Variants in PIEZO1 observed in about 807,000 individuals in gnomAD.
PIEZO1 encodes the protein piezo type mechanosensitive ion channel component 1 (Er blood group).
In PIEZO1, 296 loss-of-function variants were observed where a neutral mutation model predicts 297.2. The observed-to-expected ratio is 1.00, with a 90% CI of 0.91 to 1.10. The LOEUF is 1.10. Among genes scored for constraint, PIEZO1 ranks in the 50% least tolerant of loss-of-function variants. The pLI is 0.00. For missense variants in PIEZO1, 5,018 were observed against 3,455.5 expected, an observed-to-expected ratio of 1.45 and a Z score of -11.34; for synonymous variants, 2,427 against 1,507.5, an observed-to-expected ratio of 1.61 and a Z score of -14.13.
Position 88,723,279 on chromosome 16 carries a change from C to G in PIEZO1, c.4385G>C (p.Arg1462Pro), listed in dbSNP as rs188337046. ...CCTTGCCTGCTCCTGCTCCTGCTGC[C>G]GCCGCCTCAGCACCGCCTGGGCGTT... is the stretch of plus-strand genomic sequence containing the variant. ...VTNAQAVLRR[R>P]QQEQEQARQE... Residue 1462 changes from arginine to proline, a missense_variant, in exon 32 of 51, where the codon CGG (arginine) becomes CCG (proline). Transcript: ENST00000301015. The G allele has an allele frequency of 3.3e-6, 5 of 1,500,562 alleles. No homozygotes were observed. The Admixed American group carries it at 9.9e-5, about 30-fold the overall frequency. 93.0% of individuals were successfully genotyped at this position (1,500,562 alleles called of 1,614,324 possible).
chr16:88,784,285 G>A (rs1908071619), intron 1 of PIEZO1, among the ~76,000 whole-genome samples: 2 of 152,246 alleles, frequency 1.3e-5, no homozygotes, highest in South Asian at 4.1e-4. Flanking sequence ...GCCCAGTAGG[G>A]CAAGGGAGGA....
rs373349986 is a variant in PIEZO1, at chr16:88,716,010, G to A, written c.7239C>T (p.Thr2413=). ...WWVIELQECR[T]DCNLLPMVIF... The stretch of plus-strand genomic sequence containing the variant: ...TGACCATGGGCAGCAGGTTGCAGTC[G>A]GTCCGGCACTCCTGCAGCTCGATGA... Residue 2413 remains threonine (T), a synonymous_variant, in exon 50 of 51, where the codon ACC becomes ACT. Coordinates refer to ENST00000301015, the MANE Select transcript of PIEZO1 (RefSeq NM_001142864.4). 185 of 1,550,078 alleles carry A rather than the reference G, an allele frequency of 1.2e-4. No individual in the cohort carries two copies. Among genetic ancestry groups the A allele is most frequent in the South Asian group, 5.6e-4 (47 of 84,068 alleles).
At chr16:88,733,835 G>A in intron 17 of PIEZO1, 71 bp downstream of exon 17, 1 of 1,461,570 alleles carries the variant, frequency 6.8e-7, no homozygotes, top group Non-Finnish European at 9.1e-7. Flanking sequence ...AGGGGACTCT[G>A]CCAACGCCCC....
intron 1 of PIEZO1, among the ~76,000 whole-genome samples, chr16:88,780,154 A>C (rs1907863903): frequency 6.6e-6 from 1 of 152,116 alleles, no homozygotes; most frequent in African/African-American, 2.4e-5. Context: ...CCTGGACCCC[A>C]AGTCCCCTTC....
chr16:88,718,987 G>C (rs1912238682), intron 44 of PIEZO1: 1 of 155,952 alleles, frequency 6.4e-6, no homozygotes, highest in South Asian at 2.0e-4. Context: ...TGGGACCATA[G>C]GCATGAGCTG....
Position 88,721,622 on chromosome 16 carries a change from G to T in PIEZO1, c.5319C>A (p.Ile1773=). Residue 1773 remains isoleucine, a synonymous_variant, in exon 38 of 51, where the codon ATC becomes ATA. Coordinates refer to ENST00000301015, the MANE Select transcript of PIEZO1 (RefSeq NM_001142864.4). ...AGCCGTCAGTCTTCTCCAGGCCCAG[G>T]ATGCGGGGCGGGAAGTAGGGCTTGT... ...YENKPYFPPR[I]LGLEKTDGYI... 1.3e-6 allele frequency: 2 copies of T among 1,550,228 alleles called. No individual in the cohort carries two copies. The highest frequency in any genetic ancestry group is 1.2e-5 in the South Asian group (1 of 84,066).
intron 2 of PIEZO1, chr16:88,743,607 T>G: frequency 6.6e-6 from 3 of 456,598 alleles, no homozygotes; most frequent in South Asian, 4.6e-5. Flanking sequence ...TGAGCACAAA[T>G]GGTGTTAGGT....
Position 88,722,024 on chromosome 16 carries a change from C to G in PIEZO1, c.4998G>C (p.Ala1666=), listed in dbSNP as rs571925388. Residue 1666 remains alanine, a synonymous_variant, in exon 37 of 51, where the codon GCG becomes GCC. Coordinates refer to ENST00000301015, the MANE Select transcript of PIEZO1 (RefSeq NM_001142864.4). ...IPELEEAELF[A]EGQGRALRLL... ...GCCGCAGCGCCCGGCCCTGCCCCTC[C>G]GCAAACAGCTCTGCCTCCTCCAGCT... 4 of 1,548,358 alleles carry G rather than the reference C, an allele frequency of 2.6e-6. No homozygotes were observed. Among genetic ancestry groups the G allele is most frequent in the Non-Finnish European group, 2.6e-6 (3 of 1,146,606 alleles).
In PIEZO1 at chr16:88,742,231, G is replaced by T. The variant is rs1373654157; in HGVS notation, c.283+69C>A. 3 of 1,504,336 alleles carry T rather than the reference G, an allele frequency of 2.0e-6. No homozygotes were observed. In the African/African-American group the frequency reaches 4.1e-5, roughly 21 times the overall value. 93.2% of individuals were successfully genotyped at this position (1,504,336 alleles called of 1,614,324 possible). Reference sequence around the variant, plus strand: ...TGAGTCAACCCCCCCAGGAGACTCGGGGTCACTGCAGGGCCCTCTCCCTGA... The same window carrying T: ...TGAGTCAACCCCCCCAGGAGACTCGTGGTCACTGCAGGGCCCTCTCCCTGA... On this transcript the variant is annotated intron_variant, in intron 3 of 50. Coordinates refer to ENST00000301015, the MANE Select transcript of PIEZO1 (RefSeq NM_001142864.4).
chr16:88,768,204 T>G (rs1907261121), intron 1 of PIEZO1, among the ~76,000 whole-genome samples: 1 of 152,184 alleles, frequency 6.6e-6, no homozygotes, highest in Non-Finnish European at 1.5e-5. Flanking sequence ...GCTCCTCTTG[T>G]GCGGCCTGGC....
intron 36 of PIEZO1, 72 bp downstream of exon 36, chr16:88,722,146 A>G (rs1219144384): frequency 2.0e-6 from 3 of 1,520,952 alleles, no homozygotes; most frequent in Non-Finnish European, 2.6e-6. Context: ...GGTCACAGTC[A>G]GTCTCCTGCC....
Position 88,723,966 on chromosome 16 carries a change from G to C in PIEZO1, c.4240C>G (p.His1414Asp). Residue 1414 changes from histidine to aspartate, a missense_variant, in exon 31 of 51, where the codon CAC becomes GAC. By Grantham distance (81) the His-to-Asp change is moderately conservative. Coordinates refer to ENST00000301015, the MANE Select transcript of PIEZO1 (RefSeq NM_001142864.4). ...TCAAACAGGAAGTAGTCCCCGGAGT[G>C]GATGACTGTGGGCAGGCAGCACTGA... Reference protein sequence around the residue: ...RPWLDHATVIHSGDYFLFESD... With the variant: ...RPWLDHATVIDSGDYFLFESD... 6.5e-7 allele frequency: 1 copy of C among 1,538,494 alleles called. No homozygotes were observed. Among genetic ancestry groups the C allele is most frequent in the Non-Finnish European group, 8.8e-7 (1 of 1,136,096 alleles).
Position 88,781,211 on chromosome 16 carries a change from G to A in PIEZO1, c.64+3690C>T, listed in dbSNP as rs551881069. Reference sequence around the variant, plus strand: ...GAGCACCGAAAGCAAATGCACTGCCGAGTCAGCACAGGAGAGACACCGCCC... The same window carrying A: ...GAGCACCGAAAGCAAATGCACTGCCAAGTCAGCACAGGAGAGACACCGCCC... On this transcript the variant is annotated intron_variant, in intron 1 of 50. Coordinates refer to ENST00000301015, the MANE Select transcript of PIEZO1 (RefSeq NM_001142864.4). Among the ~76,000 whole-genome samples, 11 of 152,302 alleles carry A rather than the reference G, an allele frequency of 7.2e-5. No individual in the cohort carries two copies. In the East Asian group the frequency reaches 1.5e-3, roughly 21 times the overall value.
intron 2 of PIEZO1, chr16:88,742,929 G>C (rs962659520): frequency 1.5e-5 from 6 of 387,864 alleles, no homozygotes; most frequent in African/African-American, 8.2e-5. Flanking sequence ...CCTCCCTGGG[G>C]CTGAGGGGCT....
chr16:88,746,754 C>A (rs1906079860), intron 2 of PIEZO1, among the ~76,000 whole-genome samples: 1 of 152,258 alleles, frequency 6.6e-6, no homozygotes, highest in Non-Finnish European at 1.5e-5. Flanking sequence ...ATCTTCCCAC[C>A]CCAGCTCCTC....
rs1213717821 is a variant in PIEZO1 at position 88,715,349 on chromosome 16, A to G, written c.*256T>C. The G allele has an allele frequency of 4.0e-6, 5 of 1,263,726 alleles. No individual in the cohort carries two copies. Among genetic ancestry groups the G allele is most frequent in the East Asian group, 5.0e-5 (2 of 39,834 alleles). 78.3% of individuals were successfully genotyped at this position (1,263,726 alleles called of 1,614,324 possible). ...ACGGGGGACTGGCCTCTGATTGTCC[A>G]TTTGTATAAATAAAACATTTTTTAA... On this transcript the variant is annotated 3_prime_UTR_variant, in exon 51 of 51. Coordinates refer to ENST00000301015, the MANE Select transcript of PIEZO1 (RefSeq NM_001142864.4).
Position 88,720,439 on chromosome 16 carries a change from G to T in PIEZO1, c.5895C>A (p.Phe1965Leu). The change falls in exon 41 of 51, where the codon TTC becomes TTA. Residue 1965 changes from phenylalanine (F) to leucine (L), a missense_variant. Coordinates refer to ENST00000301015, the MANE Select transcript of PIEZO1 (RefSeq NM_001142864.4). ...TGATGAAGTCGACAACATCAGCCAG[G>T]AACATGAGGGCATAGACGTCGGTGG... ...RAATDVYALM[F>L]LADVVDFIII... is the part of the protein sequence containing the mutation. 6.4e-7 allele frequency: 1 copy of T among 1,550,520 alleles called. No homozygotes were observed. The highest frequency in any genetic ancestry group is 1.2e-5 in the South Asian group (1 of 84,052).
chr16:88,776,068 C>T (rs992044556), intron 1 of PIEZO1, among the ~76,000 whole-genome samples: 2 of 152,200 alleles, frequency 1.3e-5, no homozygotes, highest in Non-Finnish European at 2.9e-5. Flanking sequence ...AGCTGGGGAG[C>T]GCAGGGGCAG....
At chr16:88,761,220 G>A (rs1428006022) in intron 1 of PIEZO1, among the ~76,000 whole-genome samples, 1 of 152,226 alleles carries the variant, frequency 6.6e-6, no homozygotes, top group African/African-American at 2.4e-5. Flanking sequence ...GGTCCTGCAG[G>A]CATCAGCCCC....
Sources: gnomAD v4.1 joint callset for allele counts (sites outside exome capture counted in the v4.1 genomes callset) on GRCh38, gnomAD v4.1.1 for gene constraint, MANE v1.5 for transcripts, NCBI Gene and HGNC (gene_info 2026-07-23, HGNC 2026-07-21) for gene names.